Variants in PLEC observed in about 807,000 individuals in gnomAD.
The protein encoded by PLEC is plectin.
Under a neutral mutation model 392.8 loss-of-function variants are expected in PLEC, and 216 were observed. That is an observed-to-expected ratio of 0.55 (90% confidence interval 0.49 to 0.62). The LOEUF (loss-of-function observed/expected upper bound fraction) is 0.62, where lower values mean the gene tolerates loss of function less well. Ranked by LOEUF, PLEC falls within the 20% of genes least tolerant of loss-of-function variation. PLEC has a pLI of 0.00. For synonymous variants in PLEC, 3,621 were observed against 2,980.6 expected (o/e 1.21, Z -7.00); for missense variants, 6,863 against 6,563.4 (o/e 1.05, Z -1.58).
In PLEC at chr8:143,923,413, T is replaced by C; in HGVS notation, c.6516A>G (p.Lys2172=). 1 of 1,610,694 alleles carries C rather than the reference T, an allele frequency of 6.2e-7. No individual in the cohort carries two copies. Among genetic ancestry groups the C allele is most frequent in the East Asian group, 2.2e-5 (1 of 44,818 alleles). The change falls in exon 31 of 32, where the codon AAA becomes AAG. Residue 2172 remains lysine (K), a synonymous_variant. Transcript: ENST00000345136. ...AADAEMEKHK[K]FAEQTLRQKA... ...TCTGCCGCAGCGTCTGCTCGGCGAA[T>C]TTCTTATGCTTCTCCATCTCCGCGT...
intron 1 of PLEC, among the ~76,000 whole-genome samples, chr8:143,963,195 G>A (rs1554741335): frequency 1.3e-5 from 2 of 152,208 alleles, no homozygotes; most frequent in African/African-American, 2.4e-5. Context: ...TGGGAACAGA[G>A]ACAGGATGAA....
Position 143,916,215 on chromosome 8 carries a change from A to C in PLEC, c.13606T>G (p.Ser4536Ala). Reference sequence around the variant, plus strand: ...GACTCAGGGCCCCCCAGGGAGGCCGAGGACCCCGAGGCGTAGCGGCGGCCG... The same window carrying C: ...GACTCAGGGCCCCCCAGGGAGGCCGCGGACCCCGAGGCGTAGCGGCGGCCG... ...GYGRRYASGS[S>A]ASLGGPESAV... is the part of the protein sequence containing the mutation. The change falls in exon 32 of 32, where the codon TCG becomes GCG. Residue 4536 changes from serine (S) to alanine (A), a missense_variant. Physicochemically the swap from Ser to Ala is moderately conservative, Grantham distance 99. Coordinates refer to ENST00000345136, the MANE Select transcript of PLEC (RefSeq NM_201384.3). 1 of 1,545,486 alleles carries C rather than the reference A, an allele frequency of 6.5e-7. No individual in the cohort carries two copies. The highest frequency in any genetic ancestry group is 1.4e-5 in the African/African-American group (1 of 72,880).
At chr8:143,968,467 G>A (rs1196904849) in intron 1 of PLEC, among the ~76,000 whole-genome samples, 24 of 135,370 alleles carry the variant, frequency 1.8e-4, no homozygotes, top group Non-Finnish European at 3.2e-4. Flanking sequence ...CTACTCGGGA[G>A]CCTGAGGTAC....
At chr8:143,926,444 C>T (rs568643027) in intron 30 of PLEC, among the ~76,000 whole-genome samples, 15 of 152,320 alleles carry the variant, frequency 9.8e-5, no homozygotes, top group African/African-American at 1.9e-4. Context: ...TCAGCACCCC[C>T]GACTTCTGGC....
chr8:143,934,567 CTCCGGAAGAA>C, intron 10 of PLEC, 58 bp downstream of exon 10: 1 of 1,602,128 alleles, frequency 6.2e-7, no homozygotes, highest in Non-Finnish European at 8.5e-7. Flanking sequence ...GCCAGGTCGG[CTCCGGAAGAA>C]CCTTTCAGGC....
chr8:143,954,609 G>T (rs917177413), upstream of PLEC, among the ~76,000 whole-genome samples: 12 of 152,176 alleles, frequency 7.9e-5, no homozygotes, highest in Admixed American at 7.2e-4. The surrounding 1 kb of genome is among the most constrained non-coding windows in gnomAD (Gnocchi z 4.6). Context: ...CACCCCTATG[G>T]CTAATGGGGT....
rs782449119 is a variant in PLEC at position 143,925,126 on chromosome 8, C to T, written c.4803G>A (p.Val1601=). 1 of 1,558,706 alleles carries T rather than the reference C, an allele frequency of 6.4e-7. No homozygotes were observed. The highest frequency in any genetic ancestry group is 1.2e-5 in the South Asian group (1 of 86,138). The change falls in exon 31 of 32, where the codon GTG becomes GTA. Residue 1601 remains valine, a synonymous_variant. Coordinates refer to ENST00000345136, the MANE Select transcript of PLEC (RefSeq NM_201384.3). ...CCTCCTCCCGCAGCTGTGCCACAGC[C>T]ACGTGTTCCTCCTGCAGGGAGCGCT... ...QLERSLQEEH[V]AVAQLREEAE...
Position 143,929,473 on chromosome 8 carries a change from G to T in PLEC, c.3022C>A (p.Arg1008=). 6.2e-7 allele frequency: 1 copy of T among 1,600,520 alleles called. No individual in the cohort carries two copies. The highest frequency in any genetic ancestry group is 8.5e-7 in the Non-Finnish European group (1 of 1,174,836). Residue 1008 remains arginine (R), a synonymous_variant, in exon 24 of 32, where the codon CGG becomes AGG. Coordinates refer to ENST00000345136, the MANE Select transcript of PLEC (RefSeq NM_201384.3). The stretch of plus-strand genomic sequence containing the variant: ...GCCGGCTCTTTGTCCAGCGGCAGCC[G>T]CAGGCGGTGCACGGTGCGCGTCTCA... ...ACETRTVHRL[R]LPLDKEPARE...
In PLEC at chr8:143,924,933, T is replaced by G; in HGVS notation, c.4996A>C (p.Lys1666Gln). 6.3e-7 allele frequency: 1 copy of G among 1,584,126 alleles called. No homozygotes were observed. The highest frequency in any genetic ancestry group is 8.5e-7 in the Non-Finnish European group (1 of 1,173,242). The change falls in exon 31 of 32, where the codon AAG (lysine) becomes CAG (glutamine). Residue 1666 changes from lysine (K) to glutamine (Q), a missense_variant. By Grantham distance (53) the Lys-to-Gln change is moderately conservative. Transcript: ENST00000345136. ...CGCGCCTCGCGCTCCGCCTCCTCCT[T>G]CTGCTTCTCAGCCTCGGCCTGCGCC... ...SLAQAEAEKQ[K>Q]EEAEREARRR... is the part of the protein sequence containing the mutation.
chr8:143,966,494 C>G (rs1833098815), intron 1 of PLEC, among the ~76,000 whole-genome samples: 1 of 152,246 alleles, frequency 6.6e-6, no homozygotes, highest in South Asian at 2.1e-4. Flanking sequence ...AGGCTGCTCT[C>G]TACCTCCACA....
At chr8:143,929,355 G>A (rs1826362061) in intron 24 of PLEC, 59 bp downstream of exon 24, 1 of 1,566,814 alleles carries the variant, frequency 6.4e-7, no homozygotes, top group Admixed American at 1.8e-5. Context: ...CCAAAGGAGG[G>A]AGGGTGGGAG....
rs1305995751 is a variant in PLEC at position 143,958,992 on chromosome 8, C to T, written c.70+14411G>A. Among the ~76,000 whole-genome samples the T allele has an allele frequency of 6.6e-6, 1 of 152,216 alleles. No homozygotes were observed. The highest frequency in any genetic ancestry group is 6.5e-5 in the Admixed American group (1 of 15,288). ...ACCGGTATATTGATCTAGAAAATCT[C>T]GACAGCTCATTTGATAAAAACCAGT... On this transcript the variant is annotated intron_variant, in intron 1 of 31. Transcript: ENST00000356346. This position sits in a 1 kb window ranked among gnomAD's most constrained non-coding sequence, Gnocchi z 4.9.
chr8:143,972,403 C>T (rs569755274), intron 1 of PLEC, among the ~76,000 whole-genome samples: 1 of 152,124 alleles, frequency 6.6e-6, no homozygotes, highest in South Asian at 2.1e-4. Context: ...TACATCCACC[C>T]TGCCCCAGAG....
At chr8:143,975,102 G>A, upstream of PLEC, 1 of 1,507,208 alleles carries the variant, frequency 6.6e-7, no homozygotes, top group Non-Finnish European at 9.1e-7. The surrounding 1 kb of genome is among the most constrained non-coding windows in gnomAD (Gnocchi z 9.9). Context: ...CCCCGCTCCA[G>A]CGCCTAGCAC....
intron 19 of PLEC, 143 bp downstream of exon 19, chr8:143,931,391 G>C (rs7006222): frequency 2.3e-6 from 1 of 438,518 alleles, no homozygotes; most frequent in Non-Finnish European, 3.8e-6. Flanking sequence ...CCTCATTCCC[G>C]CTTCGGCTGA....
At chr8:143,933,494 G>T in intron 12 of PLEC, 143 bp from the exon 13 acceptor site, 2 of 980,192 alleles carry the variant, frequency 2.0e-6, no homozygotes, top group Non-Finnish European at 1.6e-6. Context: ...TTCCCTCCCT[G>T]CCCACCTCAC....
chr8:143,925,370 C>T lies in PLEC; in HGVS notation c.4559G>A (p.Arg1520His), dbSNP rs373423314. Reference sequence around the variant, plus strand: ...CGCCGCCTCGGCCTCGGCCTTCACGCGCGAGGCCAGCTCCACCTCCGCCTG... The same window carrying T: ...CGCCGCCTCGGCCTCGGCCTTCACGTGCGAGGCCAGCTCCACCTCCGCCTG... ...KRQAEVELAS[R>H]VKAEAEAARE... The change falls in exon 31 of 32, where the codon CGC (arginine) becomes CAC (histidine). Residue 1520 changes from arginine (R) to histidine (H), a missense_variant. Coordinates refer to ENST00000345136, the MANE Select transcript of PLEC (RefSeq NM_201384.3). 28 of 1,562,380 alleles carry T rather than the reference C, an allele frequency of 1.8e-5. No homozygotes were observed. The highest frequency in any genetic ancestry group is 1.8e-4 in the Middle Eastern group (1 of 5,424).
Position 143,939,485 on chromosome 8 carries a change from C to T in PLEC, c.-24G>A, listed in dbSNP as rs1428832506. On this transcript the variant is annotated 5_prime_UTR_variant, in exon 1 of 32. Coordinates refer to ENST00000345136, the MANE Select transcript of PLEC (RefSeq NM_201384.3). Reference sequence around the variant, plus strand: ...ATGCTGCCCCCACACCTTCGTCGCCCGGACCCTCGGCCTCAGGCACGGTGC... The same window carrying T: ...ATGCTGCCCCCACACCTTCGTCGCCTGGACCCTCGGCCTCAGGCACGGTGC... The T allele has an allele frequency of 1.4e-5, 23 of 1,599,432 alleles. No homozygotes were observed. In the African/African-American group the frequency reaches 1.9e-4, roughly 13 times the overall value.
chr8:143,973,857 C>A (rs948560117), upstream of PLEC, among the ~76,000 whole-genome samples: 2 of 152,030 alleles, frequency 1.3e-5, no homozygotes, highest in Admixed American at 6.6e-5. The surrounding 1 kb of genome is among the most constrained non-coding windows in gnomAD (Gnocchi z 5.6). Flanking sequence ...GCCCGCCCCC[C>A]ACCTTGCTTC....
Sources: gnomAD v4.1 joint callset for allele counts (sites outside exome capture counted in the v4.1 genomes callset) on GRCh38, gnomAD v4.1.1 for gene constraint, Gnocchi (gnomAD v3.1) non-coding constraint, MANE v1.5 for transcripts, NCBI Gene and HGNC (gene_info 2026-07-23, HGNC 2026-07-21) for gene names.